The following CEP112 variants were observed in gnomAD, a reference collection of about 807,000 sequenced individuals.
CEP112 encodes centrosomal protein of 112 kDa.
Under a neutral mutation model 153.0 loss-of-function variants are expected in CEP112, and 127 were observed. The ratio of observed to expected loss-of-function variants is 0.83; its 90% confidence interval spans 0.72 to 0.96. The LOEUF (loss-of-function observed/expected upper bound fraction) is 0.96. CEP112 is among the 40% of genes least tolerant of loss of function. The probability of loss-of-function intolerance (pLI) is 0.00; values close to 1 mark genes in which losing one functional copy is unlikely to be tolerated. For missense variants in CEP112, 1,089 were observed against 1,101.2 expected, an observed-to-expected ratio of 0.99 and a Z score of 0.16; for synonymous variants, 358 against 374.4, an observed-to-expected ratio of 0.96 and a Z score of 0.51.
At chr17:65,870,045 G>GAAAA (rs1187595913) in intron 20 of CEP112, among the ~76,000 whole-genome samples, 5 of 70,400 alleles carry the variant, frequency 7.1e-5, no homozygotes, top group Non-Finnish European at 1.7e-4. Flanking sequence ...AAGAAAGAAA[G>GAAAA]AAAGAAAGAA....
chr17:65,938,609 A>C (rs1465886965), intron 18 of CEP112, among the ~76,000 whole-genome samples: 1 of 152,152 alleles, frequency 6.6e-6, no homozygotes, highest in African/African-American at 2.4e-5. Context: ...ATTTGGCAAG[A>C]TAATGGGGAA....
chr17:65,647,481 T>C (rs1418284260), intron 24 of CEP112, among the ~76,000 whole-genome samples: 1 of 150,448 alleles, frequency 6.6e-6, no homozygotes, highest in Non-Finnish European at 1.5e-5. Context: ...CCTTTTTTTT[T>C]TTTTTTTTTC....
intron 21 of CEP112, among the ~76,000 whole-genome samples, chr17:65,812,735 A>G (rs754480077): frequency 1.3e-5 from 2 of 152,218 alleles, no homozygotes; most frequent in East Asian, 1.9e-4. Flanking sequence ...TCTCAAAGAC[A>G]ATGATAAGGC....
intron 6 of CEP112, among the ~76,000 whole-genome samples, chr17:66,105,256 A>G (rs2061928548): frequency 6.6e-6 from 1 of 152,176 alleles, no homozygotes; most frequent in Non-Finnish European, 1.5e-5. Context: ...ATTTCATGCT[A>G]ACCTCAAACC....
intron 12 of CEP112, among the ~76,000 whole-genome samples, chr17:66,041,414 GA>G (rs1217338480): frequency 3.3e-5 from 5 of 151,906 alleles, no homozygotes; most frequent in Admixed American, 2.0e-4. Context: ...ATAATAACGA[GA>G]AAAAAAATTT....
intron 16 of CEP112, among the ~76,000 whole-genome samples, chr17:66,006,474 C>T (rs1328675299): frequency 1.3e-5 from 2 of 151,956 alleles, no homozygotes; most frequent in African/African-American, 2.4e-5. Flanking sequence ...GGCATGGTAG[C>T]GCACGCCTGT....
In CEP112 at chr17:65,842,844, C is replaced by T. The variant is rs534906276; in HGVS notation, c.2394+8960G>A. On this transcript the variant is annotated intron_variant, in intron 21 of 26. Coordinates refer to ENST00000535342, the MANE Select transcript of CEP112 (RefSeq NM_001199165.4). ...TGATTTGTGTATTTTGTCAAAGTAA[C>T]AACAAAAGTCTTAGTTTTTCTTTTT... 4.6e-5 allele frequency among the ~76,000 whole-genome samples: 7 copies of T among 152,052 alleles called. No individual in the cohort carries two copies. The South Asian group carries it at 1.5e-3, about 32-fold the overall frequency.
chr17:66,137,171 A>G (rs2070471763), intron 4 of CEP112, among the ~76,000 whole-genome samples: 2 of 152,162 alleles, frequency 1.3e-5, no homozygotes, highest in African/African-American at 4.8e-5. Flanking sequence ...GAAAAATTTG[A>G]GGGCTGAAGA....
intron 20 of CEP112, among the ~76,000 whole-genome samples, chr17:65,892,686 G>A (rs778026991): frequency 6.6e-6 from 1 of 152,218 alleles, no homozygotes; most frequent in African/African-American, 2.4e-5. Context: ...TTTGTCTAAC[G>A]ACAGCTTTGG....
chr17:65,811,778 GA>G (rs1286406159), intron 21 of CEP112, among the ~76,000 whole-genome samples: 2 of 152,034 alleles, frequency 1.3e-5, no homozygotes, highest in African/African-American at 4.8e-5. Context: ...AAAATTTCTT[GA>G]AAAATTGCTT....
chr17:65,974,430 T>C (rs1330392685), intron 17 of CEP112, among the ~76,000 whole-genome samples: 2 of 152,114 alleles, frequency 1.3e-5, no homozygotes, highest in African/African-American at 4.8e-5. Flanking sequence ...AGTGTAACCT[T>C]TATGGAGGAA....
At position 65,961,509 on chromosome 17, in the gene CEP112, T is replaced by C; in HGVS notation, c.1826A>G (p.Gln609Arg). The change falls in exon 18 of 27, where the codon CAG (glutamine) becomes CGG (arginine). Residue 609 changes from glutamine (Q) to arginine (R), a missense_variant. Transcript: ENST00000535342. ...GACTTTCTCTGAGTTCAGTTCCACC[T>C]GCCGCTTAAACTCTTCCAGAGCGGC... is the stretch of plus-strand genomic sequence containing the variant. ...ADAALEEFKR[Q>R]VELNSEKVYA... is the part of the protein sequence containing the mutation. 1 of 1,613,252 alleles carries C rather than the reference T, an allele frequency of 6.2e-7. No homozygotes were observed. Among genetic ancestry groups the C allele is most frequent in the Non-Finnish European group, 8.5e-7 (1 of 1,179,244 alleles).
intron 2 of CEP112, chr17:66,182,125 T>C (rs2072744893): frequency 6.6e-6 from 1 of 152,196 alleles, no homozygotes; most frequent in African/African-American, 2.4e-5. Flanking sequence ...TTACCTACAC[T>C]CGAATGCAGT....
chr17:65,709,067 C>A (rs770347522), intron 23 of CEP112, among the ~76,000 whole-genome samples: 1 of 152,100 alleles, frequency 6.6e-6, no homozygotes, highest in Non-Finnish European at 1.5e-5. Flanking sequence ...TCTTGGCCTG[C>A]TGGATGAATA....
intron 21 of CEP112, among the ~76,000 whole-genome samples, chr17:65,776,503 G>A (rs1172436946): frequency 6.6e-6 from 1 of 152,220 alleles, no homozygotes. Flanking sequence ...GGGATTACAG[G>A]CGTGAGCCAC....
chr17:66,145,022 C>T (rs2070863130), intron 4 of CEP112, among the ~76,000 whole-genome samples: 1 of 152,176 alleles, frequency 6.6e-6, no homozygotes, highest in South Asian at 2.1e-4. Context: ...ATCACCTCAC[C>T]ACCATACTTG....
intron 20 of CEP112, among the ~76,000 whole-genome samples, chr17:65,883,273 T>C (rs561934762): frequency 6.6e-6 from 1 of 151,148 alleles, no homozygotes; most frequent in African/African-American, 2.4e-5. Context: ...CATATATATA[T>C]ATATATATGA....
At chr17:65,898,857 T>C (rs2059749831) in intron 20 of CEP112, among the ~76,000 whole-genome samples, 1 of 152,106 alleles carries the variant, frequency 6.6e-6, no homozygotes, top group African/African-American at 2.4e-5. Flanking sequence ...AAAGGTTCTA[T>C]GCAACAATCT....
At chr17:66,037,812 C>A (rs1034883956) in intron 12 of CEP112, among the ~76,000 whole-genome samples, 5 of 152,014 alleles carry the variant, frequency 3.3e-5, no homozygotes, top group African/African-American at 1.2e-4. Flanking sequence ...ATACCTGAGG[C>A]CAAACTTTAC....
Sources: gnomAD v4.1 joint callset for allele counts (sites outside exome capture counted in the v4.1 genomes callset) on GRCh38, gnomAD v4.1.1 for gene constraint, MANE v1.5 for transcripts, NCBI Gene and HGNC (gene_info 2026-07-23, HGNC 2026-07-21) for gene names.